LAMA5: variants seen among roughly 807,000 people sequenced by gnomAD.
LAMA5 encodes laminin subunit alpha-5.
In LAMA5, 260 loss-of-function variants were observed where a neutral mutation model predicts 433.4. The ratio of observed to expected loss-of-function variants is 0.60; its 90% CI spans 0.54 to 0.66. The LOEUF is 0.66. LAMA5 is among the 30% of genes least tolerant of loss of function. The pLI is 0.00. For missense variants in LAMA5, 5,378 were observed against 5,258.5 expected, an observed-to-expected ratio of 1.02 and a Z score of -0.70; for synonymous variants, 2,620 against 2,226.6, an observed-to-expected ratio of 1.18 and a Z score of -4.97.
chr20:62,324,796 G>A lies in LAMA5; in HGVS notation c.5530-242C>T, dbSNP rs888259090. On this transcript the variant is annotated intron_variant, in intron 41 of 79. Coordinates refer to ENST00000252999, the MANE Select transcript of LAMA5 (RefSeq NM_005560.6). This position sits in a 1 kb window ranked among gnomAD's most constrained non-coding sequence, Gnocchi z 4.4. ...CAAAGCCACACGGATGTCCTGTCTC[G>A]GGAATGACCAGGCCTTGGGGCTGGT... 23 of 531,172 alleles carry A rather than the reference G, an allele frequency of 4.3e-5. No individual in the cohort carries two copies. Among genetic ancestry groups the A allele is most frequent in the African/African-American group, 1.5e-4 (8 of 52,534 alleles). 32.9% of individuals were successfully genotyped at this position (531,172 alleles called of 1,614,324 possible). A position where few individuals can be genotyped will look rare whatever the true frequency, so the allele number is the denominator to read the frequency against.
intron 6 of LAMA5, among the ~76,000 whole-genome samples, chr20:62,348,644 C>T (rs1439489793): frequency 4.6e-5 from 7 of 151,824 alleles, no homozygotes; most frequent in African/African-American, 1.7e-4. Context: ...AAATCTAAAA[C>T]ATAATAATAA....
intron 9 of LAMA5, 88 bp downstream of exon 9, chr20:62,346,418 C>G: frequency 2.8e-6 from 4 of 1,404,810 alleles, no homozygotes; most frequent in Non-Finnish European, 3.9e-6. Flanking sequence ...TCAGGACATC[C>G]CCTCCAAAGC....
intron 11 of LAMA5, 30 bp downstream of exon 11, chr20:62,345,788 C>G: frequency 1.3e-6 from 2 of 1,522,100 alleles, no homozygotes; most frequent in Non-Finnish European, 1.8e-6. Flanking sequence ...CAGGGCAGGC[C>G]GGGGACCTGG....
In LAMA5 at chr20:62,326,976, GGACA is replaced by G; in HGVS notation, c.5113-14_5113-11del. The G allele has an allele frequency of 1.9e-6, 3 of 1,585,882 alleles. No homozygotes were observed. The highest frequency in any genetic ancestry group is 1.1e-5 in the South Asian group (1 of 88,986). ...CACCGTAGGATGACACCTGGAGGCA[GGACA>G]GACAGAGGTGACCTGGCCAGACTCT... On this transcript the variant is annotated splice_polypyrimidine_tract_variant and intron_variant, in intron 38 of 79. Transcript: ENST00000252999.
Position 62,314,319 on chromosome 20 carries a change from G to C in LAMA5, c.8489C>G (p.Ala2830Gly). ...IDEDIGEQFA[A>G]VSLDRTLQFG... ...GGCCTCCCACCTGTCCAGGCTGACA[G>C]CTGCGAACTGCTCCCCAATGTCCTC... The change falls in exon 62 of 80, where the codon GCT (alanine) becomes GGT (glycine). Residue 2830 changes from alanine (A) to glycine (G), a missense_variant. Coordinates refer to ENST00000252999, the MANE Select transcript of LAMA5 (RefSeq NM_005560.6). 2 of 1,613,206 alleles carry C rather than the reference G, an allele frequency of 1.2e-6. No individual in the cohort carries two copies. The highest frequency in any genetic ancestry group is 1.7e-6 in the Non-Finnish European group (2 of 1,179,836).
chr20:62,330,555 G>A lies in LAMA5; in HGVS notation c.3912C>T (p.His1304=), dbSNP rs142311649. 2.8e-5 allele frequency: 45 copies of A among 1,589,626 alleles called. No homozygotes were observed. In the African/African-American group the frequency reaches 4.1e-4, roughly 15 times the overall value. ...AGGTGGGGTGGGCTGGCTGGTAGCCGTGCAGCAGGAAGGCATAGCGGCCCA... is the reference window on the plus strand; with the variant it reads ...AGGTGGGGTGGGCTGGCTGGTAGCCATGCAGCAGGAAGGCATAGCGGCCCA... The part of the protein sequence containing the change: ...PTLGRYAFLL[H]GYQPAHPTFP... The change falls in exon 31 of 80, where the codon CAC becomes CAT. Residue 1304 remains histidine, a synonymous_variant. Coordinates refer to ENST00000252999, the MANE Select transcript of LAMA5 (RefSeq NM_005560.6).
chr20:62,325,196 A>C, intron 41 of LAMA5, 120 bp downstream of exon 41: 29 of 655,086 alleles, frequency 4.4e-5, no homozygotes, highest in Non-Finnish European at 5.8e-5. Flanking sequence ...AGGGGCAGGA[A>C]GAGAGGTGAG....
chr20:62,322,121 T>TGCAGCGGCCCGTGTGAGGGTC lies in LAMA5; in HGVS notation c.6373_6393dup (p.Asp2125_Cys2131dup), dbSNP rs754747246. ...TCCCCGCTGAGCCCCGGGGGGCAGT[T>TGCAGCGGCCCGTGTGAGGGTC]GCAGCGGCCCGTGTGAGGGTCACAG... On this transcript the variant is annotated inframe_insertion, in exon 48 of 80. Coordinates refer to ENST00000252999, the MANE Select transcript of LAMA5 (RefSeq NM_005560.6). The TGCAGCGGCCCGTGTGAGGGTC allele has an allele frequency of 1.9e-6, 3 of 1,603,274 alleles. No individual in the cohort carries two copies. Among genetic ancestry groups the TGCAGCGGCCCGTGTGAGGGTC allele is most frequent in the South Asian group, 2.2e-5 (2 of 90,898 alleles).
Position 62,335,264 on chromosome 20 carries a change from T to G in LAMA5, c.2329A>C (p.Ser777Arg), listed in dbSNP as rs1981357855. 4 of 1,612,210 alleles carry G rather than the reference T, an allele frequency of 2.5e-6. No homozygotes were observed. The highest frequency in any genetic ancestry group is 2.5e-6 in the Non-Finnish European group (3 of 1,179,454). Residue 777 changes from serine to arginine, a missense_variant, in exon 19 of 80, where the codon AGC (serine) becomes CGC (arginine). Transcript: ENST00000252999. ...CCCAGTGTGCCCCTGAGGTCGCAGC[T>G]GCAGCCTGGGGAGAGCAGGGCAGGA... ...PSNPEGCTRC[S>R]CDLRGTLGGV... is the part of the protein sequence containing the mutation.
rs1986075140 is a variant in LAMA5 at position 62,310,207 on chromosome 20, A to AG, written c.10704dup (p.Tyr3569LeufsTer17). The AG allele has an allele frequency of 6.2e-7, 1 of 1,612,430 alleles. No individual in the cohort carries two copies. Among genetic ancestry groups the AG allele is most frequent in the Non-Finnish European group, 8.5e-7 (1 of 1,179,946 alleles). ...TTCTCGGTCACCTGCAACTGCAAGT[A>AG]GGGGGGCGTCCGGGCCTGGCCCAAG... On this transcript the variant is annotated frameshift_variant, in exon 77 of 80. Transcript: ENST00000252999. LOFTEE classifies it high-confidence loss of function.
chr20:62,360,986 C>T (rs1220555577), intron 2 of LAMA5, among the ~76,000 whole-genome samples: 1 of 152,156 alleles, frequency 6.6e-6, no homozygotes, highest in African/African-American at 2.4e-5. Flanking sequence ...TCTGCAGCCA[C>T]CCTGGGGTTG....
intron 30 of LAMA5, 26 bp downstream of exon 30, chr20:62,330,717 G>A (rs748100133): frequency 1.3e-5 from 20 of 1,555,474 alleles, no homozygotes; most frequent in East Asian, 4.8e-5. Context: ...TGACACCCCC[G>A]TCCCTCTAGA....
chr20:62,339,606 A>G (rs1982269832), intron 11 of LAMA5, among the ~76,000 whole-genome samples: 1 of 67,702 alleles, frequency 1.5e-5, no homozygotes, highest in African/African-American at 3.1e-5. Context: ...GAGGGTTGTG[A>G]GCACGCTTCA....
intron 51 of LAMA5, 135 bp from the exon 52 acceptor site, chr20:62,319,148 G>GC: frequency 1.1e-6 from 1 of 903,570 alleles, no homozygotes; most frequent in East Asian, 2.7e-5. Context: ...CACCTGGGTG[G>GC]CCCCTAGAGC....
chr20:62,338,271 G>A lies in LAMA5; in HGVS notation c.1717C>T (p.Arg573Cys), dbSNP rs200807853. 48 of 1,601,420 alleles carry A rather than the reference G, an allele frequency of 3.0e-5. No homozygotes were observed. The highest frequency in any genetic ancestry group is 1.7e-4 in the Middle Eastern group (1 of 6,024). ...AAGTGAAAGTAGCCGGGGGCACAGCGATCACATGTGGCCCCCTCGAAGCCC... is the reference window on the plus strand; with the variant it reads ...AAGTGAAAGTAGCCGGGGGCACAGCAATCACATGTGGCCCCCTCGAAGCCC... ...RVGFEGATCDRCAPGYFHFPL... is the reference protein window; with the variant it reads ...RVGFEGATCDCCAPGYFHFPL... Residue 573 changes from arginine (R) to cysteine (C), a missense_variant, in exon 13 of 80, where the codon CGC becomes TGC. Physicochemically the swap from Arg to Cys is radical, Grantham distance 180. Transcript: ENST00000252999.
chr20:62,367,302 C>A lies in LAMA5; in HGVS notation c.-57G>T. 1 of 1,117,004 alleles carries A rather than the reference C, an allele frequency of 9.0e-7. No homozygotes were observed. Among genetic ancestry groups the A allele is most frequent in the Admixed American group, 4.9e-5 (1 of 20,298 alleles). The allele number at this position is 1,117,004 out of a possible 1,614,324, so 69.2% of individuals were successfully genotyped here. A position where few individuals can be genotyped will look rare whatever the true frequency, so the allele number is the denominator to read the frequency against. On this transcript the variant is annotated 5_prime_UTR_variant, in exon 1 of 80. Coordinates refer to ENST00000252999, the MANE Select transcript of LAMA5 (RefSeq NM_005560.6). The stretch of plus-strand genomic sequence containing the variant: ...CAGGGACAGCGCGCGCGGCGGGAGC[C>A]CGGCGGGTCTGAAGCCAGGCGGCCG...
chr20:62,312,794 G>T lies in LAMA5; in HGVS notation c.9079-14C>A. Reference sequence around the variant, plus strand: ...GAACACCTGGATCTACAGGACCAGTGGGGGCTCCAGGGCCAGCTGTGTCCC... The same window carrying T: ...GAACACCTGGATCTACAGGACCAGTTGGGGCTCCAGGGCCAGCTGTGTCCC... On this transcript the variant is annotated splice_polypyrimidine_tract_variant and intron_variant, in intron 66 of 79. Transcript: ENST00000252999. 6.3e-7 allele frequency: 1 copy of T among 1,594,410 alleles called. No individual in the cohort carries two copies. Among genetic ancestry groups the T allele is most frequent in the Non-Finnish European group, 8.5e-7 (1 of 1,174,324 alleles).
chr20:62,327,965 C>G lies in LAMA5; in HGVS notation c.4698G>C (p.Pro1566=), dbSNP rs376855679. 3.1e-6 allele frequency: 5 copies of G among 1,612,318 alleles called. No individual in the cohort carries two copies. The highest frequency in any genetic ancestry group is 1.3e-5 in the African/African-American group (1 of 74,886). ...GGCAGCGGGGGTAGCCATGGAAGCC[C>G]GGAGAGCAGGTATCACAGCGGCGCC... is the stretch of plus-strand genomic sequence containing the variant. ...VTGRRCDTCS[P]GFHGYPRCRP... Residue 1566 remains proline, a synonymous_variant, in exon 36 of 80, where the codon CCG becomes CCC. Coordinates refer to ENST00000252999, the MANE Select transcript of LAMA5 (RefSeq NM_005560.6).
intron 11 of LAMA5, among the ~76,000 whole-genome samples, chr20:62,344,223 T>C (rs1318897456): frequency 6.6e-6 from 1 of 151,054 alleles, no homozygotes; most frequent in Non-Finnish European, 1.5e-5. Context: ...GATGCCATGC[T>C]TGTATGTCCC....
Sources: allele counts gnomAD v4.1 joint callset (sites outside exome capture counted in the v4.1 genomes callset), GRCh38; gene constraint gnomAD v4.1.1; non-coding constraint Gnocchi (gnomAD v3.1); transcripts MANE v1.5; gene names NCBI Gene and HGNC (gene_info 2026-07-23, HGNC 2026-07-21).